Variants in MORC2 observed in about 807,000 individuals in gnomAD.
MORC2 encodes the protein MORC family CW-type zinc finger 2.
MORC2 carries 30 observed loss-of-function variants against 136.0 expected under a neutral mutation model. The observed-to-expected ratio is 0.22, with a 90% CI of 0.17 to 0.30. The LOEUF (loss-of-function observed/expected upper bound fraction) is 0.30. MORC2 is among the 10% of genes least tolerant of loss of function. The pLI is 1.00. For synonymous variants in MORC2, 439 were observed against 487.0 expected (o/e 0.90, Z 1.30); for missense variants, 922 against 1,333.1 (o/e 0.69, Z 4.80).
In MORC2 at chr22:30,967,818, T is replaced by G; in HGVS notation, c.68+4A>C. 1 of 1,551,118 alleles carries G rather than the reference T, an allele frequency of 6.4e-7. No homozygotes were observed. The highest frequency in any genetic ancestry group is 8.7e-7 in the Non-Finnish European group (1 of 1,147,036). ...TACCTCAGTGGCACCTAGAGGATAC[T>G]TACGAATTTGTGTGCAGATATTCAA... On this transcript the variant is annotated splice_donor_region_variant and intron_variant, in intron 1 of 25. Coordinates refer to ENST00000397641, the MANE Select transcript of MORC2 (RefSeq NM_001303256.3).
At chr22:30,949,384 C>T (rs1177849846) in intron 5 of MORC2, among the ~76,000 whole-genome samples, 1 of 152,224 alleles carries the variant, frequency 6.6e-6, no homozygotes, top group Non-Finnish European at 1.5e-5. Context: ...AACACTGCTG[C>T]ACAGTAAGGT....
chr22:30,958,865 G>A, intron 1 of MORC2, 171 bp from the exon 2 acceptor site: 1 of 562,182 alleles, frequency 1.8e-6, no homozygotes, highest in Non-Finnish European at 3.1e-6. Context: ...CCCCTCAATT[G>A]TTAATCTTTA....
chr22:30,951,229 G>T (rs750779184), intron 3 of MORC2, among the ~76,000 whole-genome samples: 5 of 152,192 alleles, frequency 3.3e-5, no homozygotes, highest in Non-Finnish European at 7.3e-5. Context: ...AACAAACTAC[G>T]GCTGCCATTC....
Position 30,950,413 on chromosome 22 carries a change from G to C in MORC2, c.190C>G (p.Leu64Val), listed in dbSNP as rs2147286618. 1 of 1,391,322 alleles carries C rather than the reference G, an allele frequency of 7.2e-7. No individual in the cohort carries two copies. The highest frequency in any genetic ancestry group is 9.5e-7 in the Non-Finnish European group (1 of 1,052,636). The allele number at this position is 1,391,322 out of a possible 1,614,324, so 86.2% of individuals were successfully genotyped here. A position where few individuals can be genotyped will look rare whatever the true frequency, so the allele number is the denominator to read the frequency against. ...RREDLRGGFM[L>V]CFLDDGAGMD... ...CCTGCTCCATCATCCAAAAAGCAAA[G>C]CATAAATCCTCCTCGAAGGTCCTCT... Residue 64 changes from leucine to valine, a missense_variant, in exon 4 of 26, where the codon CTT becomes GTT. Coordinates refer to ENST00000397641, the MANE Select transcript of MORC2 (RefSeq NM_001303256.3).
intron 3 of MORC2, among the ~76,000 whole-genome samples, chr22:30,954,684 A>G (rs1479322294): frequency 1.3e-5 from 2 of 152,218 alleles, no homozygotes; most frequent in African/African-American, 4.8e-5. Flanking sequence ...GTCAGGAACT[A>G]AACTTCCTTG....
intron 5 of MORC2, among the ~76,000 whole-genome samples, chr22:30,947,704 C>G (rs1242375766): frequency 3.3e-5 from 5 of 152,156 alleles, no homozygotes; most frequent in Non-Finnish European, 7.4e-5. Flanking sequence ...CACACCACCT[C>G]CTCCTCCTTC....
At chr22:30,955,723 T>G (rs1209271501) in intron 3 of MORC2, among the ~76,000 whole-genome samples, 1 of 152,098 alleles carries the variant, frequency 6.6e-6, no homozygotes, top group Admixed American at 6.5e-5. Flanking sequence ...AAAAGCTGTC[T>G]TCCGGCCAGG....
intron 6 of MORC2, among the ~76,000 whole-genome samples, chr22:30,945,316 G>A (rs774481782): frequency 6.6e-6 from 1 of 152,202 alleles, no homozygotes; most frequent in Non-Finnish European, 1.5e-5. Context: ...GGCTTGCTAC[G>A]TAATGACGGA....
rs1555939918 is a variant in MORC2, at chr22:30,941,365, G to A, written c.824+68C>T. ...TCTTATACAGCATCCCTCTAACAAT[G>A]CCCCAGAGAAACGCGGCCACATCCT... is the stretch of plus-strand genomic sequence containing the variant. On this transcript the variant is annotated intron_variant, in intron 9 of 25. Coordinates refer to ENST00000397641, the MANE Select transcript of MORC2 (RefSeq NM_001303256.3). This position sits in a 1 kb window ranked among gnomAD's most constrained non-coding sequence, Gnocchi z 4.6. 1 of 1,585,620 alleles carries A rather than the reference G, an allele frequency of 6.3e-7. No homozygotes were observed. The highest frequency in any genetic ancestry group is 8.6e-7 in the Non-Finnish European group (1 of 1,164,708).
At position 30,932,526 on chromosome 22, in the gene MORC2, A is replaced by C. The variant is rs1453840865; in HGVS notation, c.2747+19T>G. On this transcript the variant is annotated intron_variant, in intron 23 of 25. Transcript: ENST00000397641. The surrounding 1 kb of genome is among the most constrained non-coding windows in gnomAD (Gnocchi z 4.4). ...AGCTGCTGCTGGCCCTGGGGTGGGA[A>C]GACAAAAGACACATGTACCGGAGGA... is the stretch of plus-strand genomic sequence containing the variant. The C allele has an allele frequency of 2.5e-6, 4 of 1,613,588 alleles. No homozygotes were observed. Among genetic ancestry groups the C allele is most frequent in the Non-Finnish European group, 3.4e-6 (4 of 1,179,686 alleles).
At chr22:30,966,333 G>T (rs1322962858) in intron 1 of MORC2, among the ~76,000 whole-genome samples, 1 of 152,146 alleles carries the variant, frequency 6.6e-6, no homozygotes, top group African/African-American at 2.4e-5. Flanking sequence ...TCAACTGCTT[G>T]TTCTTAATAT....
intron 3 of MORC2, among the ~76,000 whole-genome samples, chr22:30,952,793 T>C (rs1328462131): frequency 6.6e-6 from 1 of 152,266 alleles, no homozygotes; most frequent in Non-Finnish European, 1.5e-5. Context: ...CAGTGAACAG[T>C]ACATATGCGA....
chr22:30,941,143 T>C lies in MORC2; in HGVS notation c.824+290A>G, dbSNP rs1253689295. On this transcript the variant is annotated intron_variant, in intron 9 of 25. Transcript: ENST00000397641. This position sits in a 1 kb window ranked among gnomAD's most constrained non-coding sequence, Gnocchi z 4.6. ...TTCCTATATAGTGTCTAAAGGCCCC[T>C]TGGCCCTAAAGCCAAGAGACTCAGA... Among the ~76,000 whole-genome samples the C allele has an allele frequency of 6.6e-6, 1 of 152,168 alleles. No homozygotes were observed. The highest frequency in any genetic ancestry group is 1.5e-5 in the Non-Finnish European group (1 of 68,024).
At position 30,933,534 on chromosome 22, in the gene MORC2, A is replaced by G; in HGVS notation, c.2326-14T>C. The stretch of plus-strand genomic sequence containing the variant: ...ACTGTCTGAGAGCTGCGTGGAGAGC[A>G]GTCTATTAGAGGCATCCCCAGTGCC... On this transcript the variant is annotated splice_polypyrimidine_tract_variant and intron_variant, in intron 20 of 25. Transcript: ENST00000397641. The G allele has an allele frequency of 6.2e-7, 1 of 1,613,116 alleles. No individual in the cohort carries two copies. The highest frequency in any genetic ancestry group is 8.5e-7 in the Non-Finnish European group (1 of 1,179,746).
In MORC2 at chr22:30,941,729, G is replaced by A. The variant is rs569976148; in HGVS notation, c.698+162C>T. ...GAGCACCACATCCCGCCCCTCTCAC[G>A]TCCTCAGCACAGGCACCCCACAGGC... On this transcript the variant is annotated intron_variant, in intron 8 of 25. Transcript: ENST00000397641. This position sits in a 1 kb window ranked among gnomAD's most constrained non-coding sequence, Gnocchi z 4.6. Among the ~76,000 whole-genome samples the A allele has an allele frequency of 5.3e-5, 8 of 152,074 alleles. No individual in the cohort carries two copies. The highest frequency in any genetic ancestry group is 3.9e-4 in the East Asian group (2 of 5,158).
At chr22:30,949,331 C>T (rs5997817) in intron 5 of MORC2, among the ~76,000 whole-genome samples, 251 of 152,338 alleles carry the variant, frequency 1.6e-3, no homozygotes, top group African/African-American at 5.7e-3. Context: ...CCCTGGATCC[C>T]CAGTGCCTGG....
intron 4 of MORC2, 47 bp downstream of exon 4, chr22:30,950,330 T>C: frequency 1.0e-6 from 1 of 991,960 alleles, no homozygotes. Flanking sequence ...GTAAAAATGG[T>C]TACATCGCAC....
chr22:30,926,898 C>G lies in MORC2; in HGVS notation c.3031-27G>C, dbSNP rs556489623. On this transcript the variant is annotated intron_variant, in intron 25 of 25. Coordinates refer to ENST00000397641, the MANE Select transcript of MORC2 (RefSeq NM_001303256.3). ...TGGAATAGAGCAGGGTAGGGATCAA[C>G]TGGGGGCCAGAAAGTGATTGGGGGG... The G allele has an allele frequency of 1.5e-5, 24 of 1,602,074 alleles. No individual in the cohort carries two copies. The African/African-American group carries it at 3.1e-4, about 21-fold the overall frequency.
intron 5 of MORC2, among the ~76,000 whole-genome samples, chr22:30,948,203 T>G (rs1050088298): frequency 6.6e-6 from 1 of 152,190 alleles, no homozygotes; most frequent in East Asian, 1.9e-4. Flanking sequence ...ATGGCTTGCC[T>G]GAGGCCATTA....
Sources: gnomAD v4.1 joint callset for allele counts (sites outside exome capture counted in the v4.1 genomes callset) on GRCh38, gnomAD v4.1.1 for gene constraint, Gnocchi (gnomAD v3.1) non-coding constraint, MANE v1.5 for transcripts, NCBI Gene and HGNC (gene_info 2026-07-23, HGNC 2026-07-21) for gene names.